The following ACP7 variants were observed in gnomAD, a reference collection of about 807,000 sequenced individuals.
ACP7 encodes acid phosphatase type 7.
In ACP7, 58 loss-of-function variants were observed where a neutral mutation model predicts 60.6. The ratio of observed to expected loss-of-function variants is 0.96; its 90% CI spans 0.77 to 1.19. ACP7 has a LOEUF of 1.19. ACP7 is among the 50% of genes most tolerant of loss of function. The probability of loss-of-function intolerance (pLI) is 0.00; values close to 1 mark genes in which losing one functional copy is unlikely to be tolerated. For missense variants in ACP7, 574 were observed against 596.2 expected (o/e 0.96, Z 0.39); for synonymous variants, 237 against 232.6 (o/e 1.02, Z -0.17).
chr19:39,108,911 C>G (rs1282624885), intron 12 of ACP7, among the ~76,000 whole-genome samples: 1 of 152,132 alleles, frequency 6.6e-6, no homozygotes. Flanking sequence ...ACCTCCACCT[C>G]CCAGGTTCAA....
chr19:39,106,904 G>A, intron 11 of ACP7, 43 bp from the exon 12 acceptor site: 1 of 1,607,800 alleles, frequency 6.2e-7, no homozygotes, highest in South Asian at 1.1e-5. Flanking sequence ...TTCCCCGCGG[G>A]TCCTCCACCT....
At chr19:39,108,139 A>AT (rs35561896) in intron 12 of ACP7, among the ~76,000 whole-genome samples, 46,705 of 134,904 alleles carry the variant, frequency 0.35, 8,452 homozygotes, top group African/African-American at 0.4. Flanking sequence ...CACTCATCTA[A>AT]TTTTTTTTTT....
At chr19:39,097,765 G>A (rs1411114021) in intron 2 of ACP7, among the ~76,000 whole-genome samples, 1 of 151,990 alleles carries the variant, frequency 6.6e-6, no homozygotes, top group African/African-American at 2.4e-5. Context: ...CCTGCACACA[G>A]TAAATAATGA....
At chr19:39,108,077 CT>C (rs2073430870) in intron 12 of ACP7, among the ~76,000 whole-genome samples, 1 of 151,406 alleles carries the variant, frequency 6.6e-6, no homozygotes, top group Non-Finnish European at 1.5e-5. Context: ...CAAATGTGGA[CT>C]GTAGAACTAG....
At position 39,101,498 on chromosome 19, in the gene ACP7, C is replaced by T. The variant is rs691273; in HGVS notation, c.1074C>T (p.Thr358=). Residue 358 remains threonine, a synonymous_variant, in exon 11 of 13, where the codon ACC becomes ACT. Transcript: ENST00000331256. The part of the protein sequence containing the change: ...VFNGSREMPY[T]NPRGPVHIIT... Reference sequence around the variant, plus strand: ...ACGGCAGCCGAGAGATGCCCTACACCAACCCGCGAGGGCCTGTCCACATCA... The same window carrying T: ...ACGGCAGCCGAGAGATGCCCTACACTAACCCGCGAGGGCCTGTCCACATCA... 0.21 allele frequency: 346,547 copies of T among 1,613,394 alleles called. 38,000 individuals carry two copies. The highest frequency in any genetic ancestry group is 0.33 in the African/African-American group (24,777 of 74,940).
rs370557125 is a variant in ACP7 at position 39,099,019 on chromosome 19, A to G, written c.382A>G (p.Asn128Asp). 4.3e-6 allele frequency: 7 copies of G among 1,613,436 alleles called. No homozygotes were observed. The highest frequency in any genetic ancestry group is 5.9e-6 in the Non-Finnish European group (7 of 1,179,876). Residue 128 changes from asparagine (N) to aspartate (D), a missense_variant, in exon 4 of 13, where the codon AAT becomes GAT. Asn to Asp is a conservative substitution (Grantham distance 23). Transcript: ENST00000331256. Reference protein sequence around the residue: ...SRRFRFRALKNGAHWSPRLAV... With the variant: ...SRRFRFRALKDGAHWSPRLAV... ...TCGGTTCCGCTTCAGGGCCCTCAAG[A>G]ATGGGGCCCACTGGAGTCCCCGTCT...
chr19:39,096,878 G>A (rs10419320), intron 2 of ACP7, among the ~76,000 whole-genome samples: 58,458 of 151,810 alleles, frequency 0.39, 11,381 homozygotes, highest in Middle Eastern at 0.45. Context: ...CTTGGCTCAC[G>A]GCAACCTCCA....
chr19:39,105,307 G>A (rs566759813), intron 11 of ACP7, among the ~76,000 whole-genome samples: 137 of 152,132 alleles, frequency 9.0e-4, no homozygotes, highest in African/African-American at 3.3e-3. Context: ...GAGCCACTGT[G>A]CCCGGCGTCT....
chr19:39,100,415 A>G (rs2073326023), intron 5 of ACP7, 65 bp downstream of exon 5: 3 of 1,605,924 alleles, frequency 1.9e-6, no homozygotes, highest in East Asian at 2.2e-5. Flanking sequence ...CGTTCTTCTT[A>G]GTGTCTCCCT....
intron 5 of ACP7, 48 bp downstream of exon 5, chr19:39,100,398 A>G: frequency 6.2e-7 from 1 of 1,609,084 alleles, no homozygotes; most frequent in Non-Finnish European, 8.5e-7. Context: ...ATCAATGGAA[A>G]TGGTCTCGTT....
Position 39,085,147 on chromosome 19 carries a change from C to G in ACP7, c.-123C>G, listed in dbSNP as rs2073126107. 3 of 1,296,328 alleles carry G rather than the reference C, an allele frequency of 2.3e-6. No homozygotes were observed. The South Asian group carries it at 4.7e-5, about 20-fold the overall frequency. The allele number at this position is 1,296,328 out of a possible 1,614,324, so 80.3% of individuals were successfully genotyped here. A position where few individuals can be genotyped will look rare whatever the true frequency, so the allele number is the denominator to read the frequency against. On this transcript the variant is annotated 5_prime_UTR_variant, in exon 2 of 13. Coordinates refer to ENST00000331256, the MANE Select transcript of ACP7 (RefSeq NM_001004318.3). ...CCTCCCTGCCCTGCCTCTGTTGTCC[C>G]CCAGAGCACTGCCTGATCATCCTCT... is the stretch of plus-strand genomic sequence containing the variant.
chr19:39,098,711 A>G (rs577961284), intron 3 of ACP7, 53 bp downstream of exon 3: 14 of 1,542,138 alleles, frequency 9.1e-6, no homozygotes, highest in Middle Eastern at 3.5e-4. Flanking sequence ...GAGGAGTGGG[A>G]TGCAGACTAG....
At chr19:39,098,275 A>AGG (rs1555768110) in intron 2 of ACP7, among the ~76,000 whole-genome samples, 183 bp from the exon 3 acceptor site, 1 of 126,634 alleles carries the variant, frequency 7.9e-6, no homozygotes, top group Non-Finnish European at 1.7e-5. Context: ...AAAAAAAAAA[A>AGG]AAAAGAAAAG....
At position 39,099,107 on chromosome 19, in the gene ACP7, C is replaced by A; in HGVS notation, c.470C>A (p.Thr157Asn). Residue 157 changes from threonine (T) to asparagine (N), a missense_variant, in exon 4 of 13, where the codon ACC (threonine) becomes AAC (asparagine). Thr to Asn is a moderately conservative substitution (Grantham distance 65). Coordinates refer to ENST00000331256, the MANE Select transcript of ACP7 (RefSeq NM_001004318.3). ...GCCGTCCCCCGGCTGCGCAGGGACACCCAGCAGGGCATGTATGACGCCGTT... is the reference window on the plus strand; with the variant it reads ...GCCGTCCCCCGGCTGCGCAGGGACAACCAGCAGGGCATGTATGACGCCGTT... ...PKAVPRLRRD[T>N]QQGMYDAVLH... 1 of 1,590,840 alleles carries A rather than the reference C, an allele frequency of 6.3e-7. No individual in the cohort carries two copies.
At chr19:39,086,336 A>G (rs918083590) in intron 2 of ACP7, among the ~76,000 whole-genome samples, 29 of 151,944 alleles carry the variant, frequency 1.9e-4, no homozygotes, top group African/African-American at 6.3e-4. Context: ...TTAAAAAAAA[A>G]AATGTGGAGG....
Position 39,107,045 on chromosome 19 carries a change from C to T in ACP7, c.1212C>T (p.Asn404=), listed in dbSNP as rs559609846. The change falls in exon 12 of 13, where the codon AAC becomes AAT. Residue 404 remains asparagine, a synonymous_variant. Coordinates refer to ENST00000331256, the MANE Select transcript of ACP7 (RefSeq NM_001004318.3). ...GGTATACGCGGCTGCACATCCTCAA[C>T]GGGACCCACATCCACATCCAGCAGG... The part of the protein sequence containing the change: ...EYGYTRLHIL[N]GTHIHIQQVS... 5.4e-5 allele frequency: 87 copies of T among 1,614,082 alleles called. 1 individual carries two copies. In the South Asian group the frequency reaches 5.7e-4, roughly 11 times the overall value.
intron 2 of ACP7, 128 bp downstream of exon 2, chr19:39,085,518 A>G: frequency 7.9e-7 from 1 of 1,272,370 alleles, no homozygotes; most frequent in Non-Finnish European, 1.1e-6. Context: ...AGCCTCCATC[A>G]TCCACCTCTG....
chr19:39,103,441 G>GTGTGTTTTTTTTT (rs1230916229), intron 11 of ACP7, among the ~76,000 whole-genome samples: 1 of 64,690 alleles, frequency 1.5e-5, no homozygotes, highest in Non-Finnish European at 2.7e-5. Context: ...ATCATCATGT[G>GTGTGTTTTTTTTT]TTTTTTTTTT....
At chr19:39,092,520 G>A (rs1654245) in intron 2 of ACP7, among the ~76,000 whole-genome samples, 125,023 of 151,934 alleles carry the variant, frequency 0.82, 51,516 homozygotes, top group African/African-American at 0.86. Flanking sequence ...TGTTTCTTGC[G>A]GTTATTATTC....
Sources: gnomAD v4.1 joint callset for allele counts (sites outside exome capture counted in the v4.1 genomes callset) on GRCh38, gnomAD v4.1.1 for gene constraint, MANE v1.5 for transcripts, NCBI Gene and HGNC (gene_info 2026-07-23, HGNC 2026-07-21) for gene names.